The following ZC3H12B variants were observed in gnomAD, a reference collection of about 807,000 sequenced individuals.
The protein encoded by ZC3H12B is zinc finger CCCH-type containing 12B.
A neutral mutation model predicts 43.9 loss-of-function variants in ZC3H12B; 7 were observed. The observed-to-expected ratio is 0.16, with a 90% CI of 0.09 to 0.30. ZC3H12B has a LOEUF of 0.30. Ranked by LOEUF, ZC3H12B falls within the 10% of genes least tolerant of loss-of-function variation. The pLI is 1.00. For synonymous variants in ZC3H12B, 222 were observed against 241.7 expected, an observed-to-expected ratio of 0.92 and a Z score of 0.76; for missense variants, 475 against 670.2, an observed-to-expected ratio of 0.71 and a Z score of 3.22.
At chrX:65,269,634 G>C in the ZC3H12B span, among the ~76,000 whole-genome samples, 1 of 109,886 alleles carries the variant, frequency 9.1e-6, no homozygotes, top group Non-Finnish European at 1.9e-5. Flanking sequence ...TGAGTAGGTG[G>C]GACTACAGGA....
chrX:65,077,259 G>T, the ZC3H12B span, among the ~76,000 whole-genome samples: 1 of 111,775 alleles, frequency 8.9e-6, no homozygotes, highest in Non-Finnish European at 1.9e-5. Flanking sequence ...ACCTTATCCT[G>T]CAGGGGATGA....
At chrX:65,430,259 C>T (rs970245497) in intron 3 of ZC3H12B, among the ~76,000 whole-genome samples, 5 of 110,850 alleles carry the variant, frequency 4.5e-5, no homozygotes, top group African/African-American at 1.6e-4. Flanking sequence ...TGTGGGCTCA[C>T]AAGGGGATCT....
the ZC3H12B span, among the ~76,000 whole-genome samples, chrX:65,242,857 G>C: frequency 8.9e-6 from 1 of 112,123 alleles, no homozygotes; most frequent in African/African-American, 3.2e-5. Context: ...TTTGCCAAAG[G>C]TTTCAAGAAC....
chrX:65,465,899 TG>T (rs917724491), intron 3 of ZC3H12B, among the ~76,000 whole-genome samples: 1 of 110,493 alleles, frequency 9.1e-6, no homozygotes, highest in Non-Finnish European at 1.9e-5. Flanking sequence ...TATATTTTTT[TG>T]ATATAATATA....
At chrX:65,505,218 A>G (rs1191317521) in exon 5 of ZC3H12B, 1 of 112,356 alleles carries the variant, frequency 8.9e-6, no homozygotes, top group African/African-American at 3.2e-5. Context: ...TTTTTCATGA[A>G]AGTTGAGAAG....
At chrX:65,487,699 A>C (rs975097930), upstream of ZC3H12B, among the ~76,000 whole-genome samples, 5 of 112,354 alleles carry the variant, frequency 4.5e-5, no homozygotes, top group Non-Finnish European at 9.4e-5. Context: ...CTTCAGACAC[A>C]TTCAGGAAAG....
the ZC3H12B span, among the ~76,000 whole-genome samples, chrX:65,261,183 A>G: frequency 9.0e-6 from 1 of 111,716 alleles, no homozygotes; most frequent in Non-Finnish European, 1.9e-5. Flanking sequence ...TTAGCAACCA[A>G]GGTAAATAAA....
chrX:65,156,957 ATTTT>A, the ZC3H12B span, among the ~76,000 whole-genome samples: 4 of 110,849 alleles, frequency 3.6e-5, no homozygotes, highest in Non-Finnish European at 7.6e-5. Flanking sequence ...GATTACTGAC[ATTTT>A]TCTTTCTTTC....
chrX:65,176,486 G>C, the ZC3H12B span, among the ~76,000 whole-genome samples: 1 of 111,599 alleles, frequency 9.0e-6, no homozygotes. Flanking sequence ...GTTCCTGCCT[G>C]GCAGCTCTGA....
chrX:65,458,118 T>C (rs1451619260), intron 3 of ZC3H12B, among the ~76,000 whole-genome samples: 27 of 82,657 alleles, frequency 3.3e-4, no homozygotes, highest in Non-Finnish European at 5.6e-4. Flanking sequence ...AAGAAGGCCA[T>C]TACATAATGG....
chrX:65,438,380 T>C (rs2067251252), intron 3 of ZC3H12B, among the ~76,000 whole-genome samples: 1 of 112,193 alleles, frequency 8.9e-6, no homozygotes, highest in Non-Finnish European at 1.9e-5. Flanking sequence ...TTTTATGTCC[T>C]CTTCAATTTC....
chrX:65,282,649 C>T, the ZC3H12B span, among the ~76,000 whole-genome samples: 4 of 111,071 alleles, frequency 3.6e-5, no homozygotes, highest in African/African-American at 9.8e-5. Context: ...ATATCACCAC[C>T]GATCCCAGAG....
At chrX:65,152,282 A>T in the ZC3H12B span, among the ~76,000 whole-genome samples, 3 of 111,739 alleles carry the variant, frequency 2.7e-5, no homozygotes, top group African/African-American at 9.8e-5. Context: ...GGAAAAGAGG[A>T]AGTCAAATTG....
At chrX:65,378,062 G>T (rs890668182) in intron 2 of ZC3H12B, among the ~76,000 whole-genome samples, 2 of 110,068 alleles carry the variant, frequency 1.8e-5, no homozygotes, top group Non-Finnish European at 3.8e-5. Context: ...TTGTGCCACT[G>T]CACTCCCGCC....
At chrX:65,469,126 T>C (rs376734793) in intron 3 of ZC3H12B, 2 of 124,817 alleles carry the variant, frequency 1.6e-5, no homozygotes, top group Admixed American at 1.8e-4. Context: ...GACAACTTTG[T>C]CATTGCCTAG....
At chrX:65,326,277 G>T in the ZC3H12B span, among the ~76,000 whole-genome samples, 2 of 111,667 alleles carry the variant, frequency 1.8e-5, no homozygotes, top group African/African-American at 6.5e-5. Flanking sequence ...TTGATAAGCA[G>T]TTAATGACCA....
exon 1 of ZC3H12B, chrX:65,488,957 G>A: frequency 2.5e-6 from 3 of 1,211,065 alleles, no homozygotes; most frequent in Non-Finnish European, 3.4e-6. Flanking sequence ...TAAGCCTTAA[G>A]AGTAGCGACA....
the ZC3H12B span, among the ~76,000 whole-genome samples, chrX:65,153,146 G>T: frequency 8.9e-6 from 1 of 111,918 alleles, no homozygotes; most frequent in East Asian, 2.8e-4. Flanking sequence ...GAAAACTTAG[G>T]CATTACCATT....
the ZC3H12B span, among the ~76,000 whole-genome samples, chrX:65,231,170 A>T: frequency 2.4e-3 from 262 of 111,017 alleles, 1 homozygote; most frequent in African/African-American, 8.1e-3. Context: ...GAGCCACAAA[A>T]CCAGCAAGTT....
Sources: gnomAD v4.1 joint callset for allele counts (sites outside exome capture counted in the v4.1 genomes callset) on GRCh38, gnomAD v4.1.1 for gene constraint, MANE v1.5 for transcripts, NCBI Gene and HGNC (gene_info 2026-07-23, HGNC 2026-07-21) for gene names.